The following ACSM3 variants were observed in gnomAD, a reference collection of about 807,000 sequenced individuals.
ACSM3 encodes the protein acyl-CoA synthetase medium chain family member 3.
Under a neutral mutation model 74.1 loss-of-function variants are expected in ACSM3, and 61 were observed. That is an observed-to-expected ratio of 0.82 (90% CI 0.67 to 1.02). ACSM3 has a LOEUF of 1.02. Ranked by LOEUF, ACSM3 falls within the 50% of genes least tolerant of loss-of-function variation. The pLI is 0.00. For synonymous variants in ACSM3, 213 were observed against 241.5 expected (o/e 0.88, Z 1.09); for missense variants, 660 against 697.0 (o/e 0.95, Z 0.60).
chr16:20,797,104 G>A lies in ACSM3; in HGVS notation c.*132G>A. Reference sequence around the variant, plus strand: ...AAACTGTTGATTTAAAATATCTTGTGGTTATGATATCAGAGGCTAAATTTT... The same window carrying A: ...AAACTGTTGATTTAAAATATCTTGTAGTTATGATATCAGAGGCTAAATTTT... On this transcript the variant is annotated 3_prime_UTR_variant, in exon 14 of 14. Transcript: ENST00000289416. 1 of 1,394,730 alleles carries A rather than the reference G, an allele frequency of 7.2e-7. No homozygotes were observed. The allele number at this position is 1,394,730 out of a possible 1,614,324, so 86.4% of individuals were successfully genotyped here.
intron 2 of ACSM3, among the ~76,000 whole-genome samples, chr16:20,754,963 A>G (rs1276542897): frequency 6.6e-6 from 1 of 152,044 alleles, no homozygotes; most frequent in Non-Finnish European, 1.5e-5. Context: ...GGGGCAGAGG[A>G]ATTATTGTGA....
chr16:20,731,646 TC>T, intron 1 of ACSM3: 1 of 374,646 alleles, frequency 2.7e-6, no homozygotes, highest in Admixed American at 5.0e-5. Flanking sequence ...TTGTCTTAGC[TC>T]CATCCTGTAA....
In ACSM3 at chr16:20,792,289, T is replaced by C. The variant is rs896129807; in HGVS notation, c.1508T>C (p.Val503Ala). 23 of 1,614,026 alleles carry C rather than the reference T, an allele frequency of 1.4e-5. No individual in the cohort carries two copies. Among genetic ancestry groups the C allele is most frequent in the Non-Finnish European group, 1.9e-5 (22 of 1,179,980 alleles). Residue 503 changes from valine to alanine, a missense_variant, in exon 12 of 14, where the codon GTT becomes GCT. Physicochemically the swap from Val to Ala is moderately conservative, Grantham distance 64. Transcript: ENST00000289416. The part of the protein sequence containing the change: ...VENALNEHPS[V>A]AESAVVSSPD... ...AATGCCCTGAATGAACACCCTTCAGTTGCAGAGTCAGCTGTTGTCAGCAGC... is the reference window on the plus strand; with the variant it reads ...AATGCCCTGAATGAACACCCTTCAGCTGCAGAGTCAGCTGTTGTCAGCAGC...
chr16:20,688,178 G>T (rs756441292), intron 1 of ACSM3, among the ~76,000 whole-genome samples: 1 of 151,952 alleles, frequency 6.6e-6, no homozygotes, highest in African/African-American at 2.4e-5. Context: ...TTCACTAGGG[G>T]TTCAATGGCA....
At chr16:20,741,485 G>T in intron 1 of ACSM3, 1 of 1,227,946 alleles carries the variant, frequency 8.1e-7, no homozygotes, top group Non-Finnish European at 1.0e-6. Context: ...CAGCCGGCCC[G>T]CCCGCCCACC....
intron 1 of ACSM3, among the ~76,000 whole-genome samples, chr16:20,727,852 C>G (rs1469416995): frequency 1.3e-5 from 2 of 152,096 alleles, no homozygotes; most frequent in Non-Finnish European, 2.9e-5. Context: ...CCAGTGGTCC[C>G]CAAACCAGCA....
At chr16:20,791,883 G>A (rs1314508206) in intron 10 of ACSM3, 119 bp from the exon 11 acceptor site, 16 of 1,200,070 alleles carry the variant, frequency 1.3e-5, no homozygotes, top group East Asian at 2.6e-5. Context: ...AGCCAAGATC[G>A]TACTACTGCA....
At chr16:20,677,106 G>A (rs79898258) in intron 1 of ACSM3, among the ~76,000 whole-genome samples, 1 of 151,742 alleles carries the variant, frequency 6.6e-6, no homozygotes, top group African/African-American at 2.4e-5. Flanking sequence ...AGTTCCTAAG[G>A]GCAGCAAGGT....
chr16:20,692,212 C>T (rs1017615758), intron 1 of ACSM3, among the ~76,000 whole-genome samples: 11 of 152,252 alleles, frequency 7.2e-5, no homozygotes, highest in Admixed American at 4.6e-4. Flanking sequence ...TATGAGTGAA[C>T]CTGGCCCGTG....
At chr16:20,789,085 T>G (rs1238168521) in intron 9 of ACSM3, among the ~76,000 whole-genome samples, 1 of 152,250 alleles carries the variant, frequency 6.6e-6, no homozygotes. Context: ...AAAAGTCATT[T>G]AGAGCAAAAT....
chr16:20,737,299 C>G, intron 1 of ACSM3: 1 of 1,592,776 alleles, frequency 6.3e-7, no homozygotes. Context: ...GTAACAAAAA[C>G]AGAAAAACAC....
Position 20,790,734 on chromosome 16 carries a change from T to A in ACSM3, c.1326+46T>A. The A allele has an allele frequency of 6.2e-7, 1 of 1,613,960 alleles. No homozygotes were observed. The highest frequency in any genetic ancestry group is 8.5e-7 in the Non-Finnish European group (1 of 1,179,834). ...TCTCATTTTCTATTTATTTCTCAAG[T>A]GCTTGGTAACAATCCCTGTTTGCCA... is the stretch of plus-strand genomic sequence containing the variant. On this transcript the variant is annotated intron_variant, in intron 10 of 13. Coordinates refer to ENST00000289416, the MANE Select transcript of ACSM3 (RefSeq NM_005622.4). The surrounding 1 kb of genome is among the most constrained non-coding windows in gnomAD (Gnocchi z 4.0).
chr16:20,741,579 T>C, intron 1 of ACSM3: 1 of 1,557,402 alleles, frequency 6.4e-7, no homozygotes. Flanking sequence ...GCACTTGCGC[T>C]CGTTCATATT....
At chr16:20,738,814 G>T in intron 1 of ACSM3, 1 of 1,494,610 alleles carries the variant, frequency 6.7e-7, no homozygotes, top group Non-Finnish European at 9.1e-7. Context: ...TGCCCAAGAA[G>T]CCATTTTGTA....
At chr16:20,743,704 A>C (rs1248367256) in intron 1 of ACSM3, 1 of 152,224 alleles carries the variant, frequency 6.6e-6, no homozygotes, top group Non-Finnish European at 1.5e-5. Flanking sequence ...TTTAATTTTC[A>C]GAATTTCTTT....
intron 1 of ACSM3, chr16:20,738,144 CTAATA>C: frequency 1.5e-6 from 1 of 685,806 alleles, no homozygotes; most frequent in South Asian, 1.4e-5. Context: ...TATAATGTAT[CTAATA>C]TATTTTAACT....
chr16:20,726,244 A>G lies in ACSM3; in HGVS notation c.-189-23666A>G, dbSNP rs185444670. Among the ~76,000 whole-genome samples the G allele has an allele frequency of 3.1e-4, 47 of 152,382 alleles. 1 individual carries two copies. The highest frequency in any genetic ancestry group is 1.0e-3 in the African/African-American group (42 of 41,588). ...GCTAACAAAGTTTGACTTGAAGGTT[A>G]TATTCAGTTTAGCCAAACTACATGA... is the stretch of plus-strand genomic sequence containing the variant. On this transcript the variant is annotated intron_variant, in intron 1 of 3. Coordinates refer to the ACSM3 transcript ENST00000561584.
At chr16:20,741,201 C>T (rs959185349) in intron 1 of ACSM3, among the ~76,000 whole-genome samples, 1 of 152,280 alleles carries the variant, frequency 6.6e-6, no homozygotes, top group South Asian at 2.1e-4. Context: ...GCTATCATCA[C>T]GCCACTGCAC....
At chr16:20,684,487 C>T (rs988355567) in intron 1 of ACSM3, among the ~76,000 whole-genome samples, 1 of 152,216 alleles carries the variant, frequency 6.6e-6, no homozygotes, top group African/African-American at 2.4e-5. Context: ...CAGAGGAAGA[C>T]ACAACTTTGT....
Sources: gnomAD v4.1 joint callset for allele counts (sites outside exome capture counted in the v4.1 genomes callset) on GRCh38, gnomAD v4.1.1 for gene constraint, Gnocchi (gnomAD v3.1) non-coding constraint, MANE v1.5 for transcripts, NCBI Gene and HGNC (gene_info 2026-07-23, HGNC 2026-07-21) for gene names.